FSTL5: variants seen among roughly 807,000 people sequenced by gnomAD.
FSTL5 encodes the protein follistatin-related protein 5.
FSTL5 carries 62 observed loss-of-function variants against 89.1 expected under a neutral mutation model. The ratio of observed to expected loss-of-function variants is 0.70; its 90% CI spans 0.57 to 0.86. The LOEUF is 0.86. Ranked by LOEUF, FSTL5 falls within the 40% of genes least tolerant of loss-of-function variation. FSTL5 has a pLI of 0.00. For synonymous variants in FSTL5, 383 were observed against 346.2 expected, an observed-to-expected ratio of 1.11 and a Z score of -1.18; for missense variants, 1,057 against 1,001.6, an observed-to-expected ratio of 1.06 and a Z score of -0.75.
chr4:162,089,120 C>G (rs1180670661), intron 2 of FSTL5, among the ~76,000 whole-genome samples: 1 of 152,126 alleles, frequency 6.6e-6, no homozygotes, highest in African/African-American at 2.4e-5. Context: ...CTCTCTCACC[C>G]TCTCATGCTC....
At chr4:161,949,769 T>A (rs1365886795) in intron 3 of FSTL5, among the ~76,000 whole-genome samples, 1 of 124,448 alleles carries the variant, frequency 8.0e-6, no homozygotes, top group East Asian at 2.3e-4. Flanking sequence ...AAGCTAAAAG[T>A]TTTTTTTTTT....
At chr4:161,632,679 T>C (rs2126657710) in intron 7 of FSTL5, among the ~76,000 whole-genome samples, 1 of 152,342 alleles carries the variant, frequency 6.6e-6, no homozygotes, top group Non-Finnish European at 1.5e-5. Context: ...AGTTTTTTAT[T>C]GATTTCTGTG....
chr4:161,411,697 A>G (rs1731598731), intron 15 of FSTL5, among the ~76,000 whole-genome samples: 1 of 152,188 alleles, frequency 6.6e-6, no homozygotes, highest in Non-Finnish European at 1.5e-5. Context: ...AGAAATAACA[A>G]GTGCCATTTA....
chr4:162,148,611 C>T (rs1204643835), intron 1 of FSTL5, among the ~76,000 whole-genome samples: 9 of 152,042 alleles, frequency 5.9e-5, no homozygotes, highest in Admixed American at 5.9e-4. Context: ...TCAAAATAAA[C>T]GATTAGCATG....
intron 6 of FSTL5, among the ~76,000 whole-genome samples, chr4:161,663,992 C>T (rs1275060400): frequency 6.6e-6 from 1 of 152,198 alleles, no homozygotes; most frequent in Non-Finnish European, 1.5e-5. Flanking sequence ...TGTACATTGG[C>T]CCCTTTCAGC....
intron 2 of FSTL5, among the ~76,000 whole-genome samples, chr4:162,060,230 T>G (rs533264010): frequency 6.6e-6 from 1 of 152,146 alleles, no homozygotes; most frequent in Non-Finnish European, 1.5e-5. Flanking sequence ...TTAAAAATTA[T>G]AGTTGAGATA....
At chr4:161,706,123 A>G (rs1295959434) in intron 6 of FSTL5, among the ~76,000 whole-genome samples, 1 of 150,492 alleles carries the variant, frequency 6.6e-6, no homozygotes, top group Non-Finnish European at 1.5e-5. Context: ...ACAAGGAAAC[A>G]ATGACGAACA....
chr4:162,148,799 T>G (rs1733106184), intron 1 of FSTL5, among the ~76,000 whole-genome samples: 2 of 152,178 alleles, frequency 1.3e-5, no homozygotes, highest in South Asian at 4.1e-4. Flanking sequence ...TGCATTTCAA[T>G]AAGAAGTGAT....
intron 12 of FSTL5, among the ~76,000 whole-genome samples, chr4:161,496,695 C>A (rs1730085481): frequency 1.3e-5 from 2 of 151,892 alleles, no homozygotes; most frequent in South Asian, 4.2e-4. Flanking sequence ...CCTGGCAAAC[C>A]CTACAAATTT....
intron 7 of FSTL5, among the ~76,000 whole-genome samples, chr4:161,609,781 C>A (rs1003417292): frequency 3.3e-5 from 5 of 152,100 alleles, no homozygotes; most frequent in African/African-American, 9.7e-5. Flanking sequence ...TAGGGCAGTG[C>A]AAAGCAGCTC....
intron 2 of FSTL5, 129 bp downstream of exon 2, chr4:162,111,142 A>T: frequency 1.3e-6 from 1 of 741,540 alleles, no homozygotes; most frequent in Non-Finnish European, 2.0e-6. Context: ...GTGCATTTTA[A>T]AAATAATATG....
intron 4 of FSTL5, among the ~76,000 whole-genome samples, chr4:161,791,914 G>T (rs1287879056): frequency 6.6e-6 from 1 of 152,204 alleles, no homozygotes; most frequent in Non-Finnish European, 1.5e-5. Flanking sequence ...TGAGGCCGGG[G>T]CTGCGCGCTC....
chr4:162,102,310 T>C (rs759068698), intron 2 of FSTL5, among the ~76,000 whole-genome samples: 26 of 151,930 alleles, frequency 1.7e-4, no homozygotes, highest in Non-Finnish European at 3.7e-4. Context: ...TAAATCCATG[T>C]AGTTTTTCAA....
chr4:161,952,554 G>C (rs1734925845), intron 3 of FSTL5, among the ~76,000 whole-genome samples: 1 of 151,938 alleles, frequency 6.6e-6, no homozygotes, highest in Non-Finnish European at 1.5e-5. Context: ...AAAAGTGTAA[G>C]AAATCATGTC....
intron 15 of FSTL5, among the ~76,000 whole-genome samples, chr4:161,449,517 T>C (rs1733077871): frequency 6.6e-6 from 1 of 152,154 alleles, no homozygotes; most frequent in Non-Finnish European, 1.5e-5. Flanking sequence ...ATGCCTTCTC[T>C]TATTACTCAC....
At chr4:162,076,821 A>C (rs569157096) in intron 2 of FSTL5, among the ~76,000 whole-genome samples, 96 of 151,986 alleles carry the variant, frequency 6.3e-4, no homozygotes, top group African/African-American at 2.3e-3. Context: ...CACGGGGCTG[A>C]TGTATCAAAA....
chr4:161,674,636 C>T (rs1044502537), intron 6 of FSTL5, among the ~76,000 whole-genome samples: 4 of 152,314 alleles, frequency 2.6e-5, no homozygotes, highest in Admixed American at 2.6e-4. Context: ...CTATGTCACA[C>T]TGCAAAGTGT....
At chr4:161,784,884 C>T (rs543970896) in intron 4 of FSTL5, among the ~76,000 whole-genome samples, 5 of 50,910 alleles carry the variant, frequency 9.8e-5, no homozygotes, top group Non-Finnish European at 1.4e-4. Flanking sequence ...CAGAGCAAGA[C>T]TCCGTCTCAA....
chr4:161,992,022 A>G (rs1448110573), intron 3 of FSTL5, among the ~76,000 whole-genome samples: 2 of 152,234 alleles, frequency 1.3e-5, no homozygotes, highest in East Asian at 3.9e-4. Flanking sequence ...GTTCCTGTTC[A>G]AGAAGCATCA....
Sources: gnomAD v4.1 joint callset for allele counts (sites outside exome capture counted in the v4.1 genomes callset) on GRCh38, gnomAD v4.1.1 for gene constraint, MANE v1.5 for transcripts, NCBI Gene and HGNC (gene_info 2026-07-23, HGNC 2026-07-21) for gene names.